Variants in LGR5 observed in about 807,000 individuals in gnomAD.
LGR5 encodes the protein leucine-rich repeat-containing G protein-coupled receptor 5.
A neutral mutation model predicts 76.7 loss-of-function variants in LGR5; 54 were observed. The ratio of observed to expected loss-of-function variants is 0.70; its 90% CI spans 0.57 to 0.88. LGR5 has a LOEUF of 0.88. Ranked by LOEUF, LGR5 falls within the 40% of genes least tolerant of loss-of-function variation. The pLI, the probability that LGR5 is intolerant of heterozygous loss-of-function variation, is 0.00. For synonymous variants in LGR5, 406 were observed against 421.9 expected, an observed-to-expected ratio of 0.96 and a Z score of 0.46; for missense variants, 1,078 against 1,073.3, an observed-to-expected ratio of 1.00 and a Z score of -0.06.
At chr12:71,482,981 T>C (rs1416079701) in intron 1 of LGR5, among the ~76,000 whole-genome samples, 5 of 152,124 alleles carry the variant, frequency 3.3e-5, no homozygotes, top group African/African-American at 1.2e-4. Flanking sequence ...ATAGTGTAAA[T>C]TGGGTTCTGA....
chr12:71,535,511 TAA>T (rs5799043), intron 4 of LGR5, among the ~76,000 whole-genome samples: 268 of 150,164 alleles, frequency 1.8e-3, no homozygotes, highest in Middle Eastern at 0.014. Context: ...TCCTTTTACC[TAA>T]AAAAAAAAAA....
At chr12:71,476,848 T>C (rs1056874338) in intron 1 of LGR5, among the ~76,000 whole-genome samples, 3 of 152,132 alleles carry the variant, frequency 2.0e-5, no homozygotes, top group Non-Finnish European at 2.9e-5. Context: ...TGGCATGGAT[T>C]AGAAAAATAA....
chr12:71,481,701 C>T (rs1228055899), intron 1 of LGR5, among the ~76,000 whole-genome samples: 4 of 152,126 alleles, frequency 2.6e-5, no homozygotes, highest in African/African-American at 9.7e-5. Flanking sequence ...ATGTTAACTG[C>T]AAGATATTTC....
intron 8 of LGR5, 99 bp downstream of exon 8, chr12:71,561,951 C>T: frequency 1.4e-6 from 1 of 728,728 alleles, no homozygotes. Context: ...TGAGTTTTGT[C>T]TTAGTCAATC....
At chr12:71,553,791 A>C (rs1284342168) in intron 5 of LGR5, among the ~76,000 whole-genome samples, 2 of 152,162 alleles carry the variant, frequency 1.3e-5, no homozygotes, top group Admixed American at 6.5e-5. Context: ...AGAGAATTGC[A>C]ATAAAGAGTA....
At chr12:71,507,086 A>T (rs1874894484) in intron 2 of LGR5, among the ~76,000 whole-genome samples, 1 of 152,208 alleles carries the variant, frequency 6.6e-6, no homozygotes, top group Non-Finnish European at 1.5e-5. Context: ...CTTTACACAC[A>T]TCATTTCAGT....
chr12:71,556,792 T>C (rs767438848), intron 6 of LGR5, 102 bp downstream of exon 6: 3 of 874,750 alleles, frequency 3.4e-6, no homozygotes, highest in African/African-American at 1.7e-5. Context: ...TTTGGTTAAT[T>C]GCCTAAGCTT....
At chr12:71,450,282 G>T (rs1287057356) in intron 1 of LGR5, among the ~76,000 whole-genome samples, 2 of 152,078 alleles carry the variant, frequency 1.3e-5, no homozygotes, top group African/African-American at 2.4e-5. Flanking sequence ...TACACATGTT[G>T]TGTATGTCCA....
At chr12:71,485,490 G>C (rs1004913654) in intron 1 of LGR5, among the ~76,000 whole-genome samples, 1 of 152,262 alleles carries the variant, frequency 6.6e-6, no homozygotes, top group East Asian at 1.9e-4. Flanking sequence ...GCTGAGGCAG[G>C]AGGATCACTT....
intron 1 of LGR5, among the ~76,000 whole-genome samples, chr12:71,491,041 T>C (rs1874046922): frequency 6.6e-6 from 1 of 152,168 alleles, no homozygotes; most frequent in South Asian, 2.1e-4. Flanking sequence ...ATAAGAGATC[T>C]GATCGTTTTA....
At chr12:71,480,405 G>C (rs1164663460) in intron 1 of LGR5, among the ~76,000 whole-genome samples, 3 of 150,924 alleles carry the variant, frequency 2.0e-5, no homozygotes, top group African/African-American at 7.3e-5. Context: ...GTGGGATGAA[G>C]CAGGCAGGCC....
intron 1 of LGR5, among the ~76,000 whole-genome samples, chr12:71,475,412 T>C (rs1873285201): frequency 6.6e-6 from 1 of 152,176 alleles, no homozygotes; most frequent in African/African-American, 2.4e-5. Context: ...CTAGAGTGGC[T>C]CCCAGAGCCT....
intron 2 of LGR5, among the ~76,000 whole-genome samples, chr12:71,510,405 G>T (rs1875093054): frequency 6.6e-6 from 1 of 152,082 alleles, no homozygotes; most frequent in East Asian, 1.9e-4. Flanking sequence ...CCACTGTTTT[G>T]AAAGTGCCCT....
chr12:71,464,920 T>C (rs1398675495), intron 1 of LGR5, among the ~76,000 whole-genome samples: 1 of 151,896 alleles, frequency 6.6e-6, no homozygotes, highest in Admixed American at 6.6e-5. Context: ...TGCAGAGAGA[T>C]GGAGGACTGA....
At chr12:71,565,893 A>C (rs947922927) in intron 8 of LGR5, among the ~76,000 whole-genome samples, 1 of 152,138 alleles carries the variant, frequency 6.6e-6, no homozygotes, top group African/African-American at 2.4e-5. Context: ...TAATTAATTC[A>C]AGAAAATTCT....
intron 1 of LGR5, among the ~76,000 whole-genome samples, chr12:71,460,861 CA>C (rs1872660144): frequency 6.6e-6 from 1 of 152,116 alleles, no homozygotes; most frequent in Non-Finnish European, 1.5e-5. Context: ...CATCTTTGCT[CA>C]ACCCTTCCCC....
intron 1 of LGR5, among the ~76,000 whole-genome samples, chr12:71,463,858 T>C (rs900797595): frequency 6.6e-6 from 1 of 151,994 alleles, no homozygotes; most frequent in Non-Finnish European, 1.5e-5. Context: ...TGTGTGTATA[T>C]ATATAATCTC....
chr12:71,577,310 C>G (rs571412604), intron 13 of LGR5, among the ~76,000 whole-genome samples: 22 of 152,304 alleles, frequency 1.4e-4, no homozygotes, highest in African/African-American at 5.3e-4. Context: ...CAGTTCATTA[C>G]TTGTCCATGG....
chr12:71,463,549 C>T (rs937052688), intron 1 of LGR5, among the ~76,000 whole-genome samples: 3 of 152,162 alleles, frequency 2.0e-5, no homozygotes, highest in Non-Finnish European at 4.4e-5. Flanking sequence ...CTACAAAGTA[C>T]TCAGTACAGC....
Sources: allele counts gnomAD v4.1 joint callset (sites outside exome capture counted in the v4.1 genomes callset), GRCh38; gene constraint gnomAD v4.1.1; transcripts MANE v1.5; gene names NCBI Gene and HGNC (gene_info 2026-07-23, HGNC 2026-07-21).